ZMIZ1: variants seen among roughly 807,000 people sequenced by gnomAD.
The protein encoded by ZMIZ1 is zinc finger MIZ domain-containing protein 1.
Under a neutral mutation model 113.9 loss-of-function variants are expected in ZMIZ1, and 17 were observed. The observed-to-expected ratio is 0.15, with a 90% CI of 0.10 to 0.22. The LOEUF (loss-of-function observed/expected upper bound fraction) is 0.22. Among genes scored for constraint, ZMIZ1 ranks in the 10% least tolerant of loss-of-function variants. ZMIZ1 has a pLI of 1.00. For missense variants in ZMIZ1, 1,059 were observed against 1,477.8 expected, an observed-to-expected ratio of 0.72 and a Z score of 4.65; for synonymous variants, 607 against 603.1, an observed-to-expected ratio of 1.01 and a Z score of -0.09.
chr10:79,216,301 TG>T, intron 7 of ZMIZ1, 27 bp downstream of exon 7: 1 of 1,564,098 alleles, frequency 6.4e-7, no homozygotes, highest in Non-Finnish European at 8.7e-7. Flanking sequence ...GACTCTGCGA[TG>T]TCACTGGGAG....
At chr10:79,149,212 C>T (rs1845614110) in intron 3 of ZMIZ1, among the ~76,000 whole-genome samples, 1 of 152,358 alleles carries the variant, frequency 6.6e-6, no homozygotes, top group South Asian at 2.1e-4. Context: ...GGCAGGCCCA[C>T]ACCCCCTCCC....
chr10:79,077,726 G>A (rs1243458725), intron 1 of ZMIZ1, among the ~76,000 whole-genome samples: 1 of 152,126 alleles, frequency 6.6e-6, no homozygotes, highest in Non-Finnish European at 1.5e-5. Flanking sequence ...TAACTTCTCC[G>A]ACTTTGGTCT....
chr10:79,240,638 C>CTTTTTTTTTTTTTTTTTTTTTTTTTTTTT lies in ZMIZ1; in HGVS notation c.280+24391_280+24392insTTTTTTTTTTTTTTTTTTTTTTTTTTTTT, dbSNP rs56903717. On this transcript the variant is annotated intron_variant, in intron 7 of 24. Transcript: ENST00000334512. ...CGTAAATCTAGTGAAGAGTATTTAT[C>CTTTTTTTTTTTTTTTTTTTTTTTTTTTTT]TTTTTTTTTTTTTTTTTTTTTTTTT... is the stretch of plus-strand genomic sequence containing the variant. Among the ~76,000 whole-genome samples, 18 of 55,322 alleles carry CTTTTTTTTTTTTTTTTTTTTTTTTTTTTT rather than the reference C, an allele frequency of 3.3e-4. 2 individuals are homozygous for CTTTTTTTTTTTTTTTTTTTTTTTTTTTTT. Among genetic ancestry groups the CTTTTTTTTTTTTTTTTTTTTTTTTTTTTT allele is most frequent in the East Asian group, 2.9e-3 (3 of 1,032 alleles). The allele number at this position is 55,322 out of a possible 152,430, so 36.3% of individuals were successfully genotyped here. A position where few individuals can be genotyped will look rare whatever the true frequency, so the allele number is the denominator to read the frequency against.
At chr10:79,142,692 G>T (rs1334144481) in intron 3 of ZMIZ1, among the ~76,000 whole-genome samples, 2 of 152,212 alleles carry the variant, frequency 1.3e-5, no homozygotes, top group Admixed American at 1.3e-4. Flanking sequence ...GCATGCCTGG[G>T]CCCTCCCCGT....
intron 11 of ZMIZ1, 29 bp downstream of exon 11, chr10:79,292,385 C>A: frequency 3.8e-6 from 6 of 1,586,188 alleles, no homozygotes; most frequent in Non-Finnish European, 5.2e-6. Context: ...CCTGGTCCAG[C>A]CTTGCCCAGC....
At chr10:79,306,566 C>G in intron 22 of ZMIZ1, among the ~76,000 whole-genome samples, 1 of 152,226 alleles carries the variant, frequency 6.6e-6, no homozygotes, top group Admixed American at 6.5e-5. Context: ...AGACTGCTGC[C>G]TCTTCCCTCC....
chr10:79,300,656 G>T, intron 16 of ZMIZ1, 76 bp from the exon 17 acceptor site: 1 of 1,510,350 alleles, frequency 6.6e-7, no homozygotes. Flanking sequence ...AGAGGTGTGT[G>T]ACCTGGCTCG....
At chr10:79,080,251 C>T (rs926856862) in intron 1 of ZMIZ1, among the ~76,000 whole-genome samples, 1 of 151,618 alleles carries the variant, frequency 6.6e-6, no homozygotes, top group African/African-American at 2.4e-5. Context: ...AGCTCCACAA[C>T]CTCCCTGCGC....
intron 18 of ZMIZ1, among the ~76,000 whole-genome samples, chr10:79,303,773 G>A (rs898192139): frequency 1.3e-5 from 2 of 152,216 alleles, no homozygotes; most frequent in East Asian, 1.9e-4. Context: ...CAGGGGAACT[G>A]CCACAGCCAC....
At chr10:79,277,898 GCTGAGCTGGGGATGCTCTCT>G (rs1230440792) in intron 8 of ZMIZ1, among the ~76,000 whole-genome samples, 3 of 152,248 alleles carry the variant, frequency 2.0e-5, no homozygotes, top group Non-Finnish European at 4.4e-5. Context: ...TGAGTCCCTT[GCTGAGCTGGGGATGCTCTCT>G]CTGAGCGCTC....
rs147268479 is a variant in ZMIZ1 at position 79,252,657 on chromosome 10, C to T, written c.281-24524C>T. 5.9e-3 allele frequency among the ~76,000 whole-genome samples: 892 copies of T among 152,292 alleles called. 8 individuals are homozygous for T. The highest frequency in any genetic ancestry group is 0.021 in the African/African-American group (858 of 41,546). On this transcript the variant is annotated intron_variant, in intron 7 of 24. Coordinates refer to ENST00000334512, the MANE Select transcript of ZMIZ1 (RefSeq NM_020338.4). Reference sequence around the variant, plus strand: ...AGTTACCACTTCTGCAAAACGGGGACACCCTCACCCACAGGTCTGTTATAG... The same window carrying T: ...AGTTACCACTTCTGCAAAACGGGGATACCCTCACCCACAGGTCTGTTATAG...
At chr10:79,286,675 C>T (rs145389892) in intron 8 of ZMIZ1, among the ~76,000 whole-genome samples, 164 of 152,370 alleles carry the variant, frequency 1.1e-3, no homozygotes, top group Middle Eastern at 6.8e-3. Flanking sequence ...CGTTGGTTAG[C>T]TTTGCTTCTC....
At chr10:79,100,916 T>C (rs1750650272) in intron 1 of ZMIZ1, among the ~76,000 whole-genome samples, 1 of 152,208 alleles carries the variant, frequency 6.6e-6, no homozygotes, top group African/African-American at 2.4e-5. Context: ...GTGCAGATGC[T>C]GTTCTCACCC....
chr10:79,081,410 G>A (rs763152407), intron 1 of ZMIZ1, among the ~76,000 whole-genome samples: 2 of 152,190 alleles, frequency 1.3e-5, no homozygotes, highest in African/African-American at 4.8e-5. Flanking sequence ...GTTGTAAGAC[G>A]TGGCAGTAGG....
chr10:79,305,133 G>A (rs1049380617), intron 19 of ZMIZ1, 31 bp from the exon 20 acceptor site: 21 of 1,613,530 alleles, frequency 1.3e-5, no homozygotes, highest in African/African-American at 6.7e-5. Context: ...GACAGTCCTG[G>A]TCTCACCTGT....
At chr10:79,150,531 G>C (rs1845672559) in intron 3 of ZMIZ1, among the ~76,000 whole-genome samples, 1 of 152,234 alleles carries the variant, frequency 6.6e-6, no homozygotes, top group South Asian at 2.1e-4. Flanking sequence ...CTGGGAGCCA[G>C]GAGGCTGGGG....
intron 7 of ZMIZ1, among the ~76,000 whole-genome samples, chr10:79,256,784 C>T (rs757311469): frequency 6.6e-6 from 1 of 152,234 alleles, no homozygotes; most frequent in Non-Finnish European, 1.5e-5. Flanking sequence ...CAGTCAGATC[C>T]CCTCACAGGC....
At chr10:79,074,193 A>G (rs1842394308) in intron 1 of ZMIZ1, among the ~76,000 whole-genome samples, 1 of 152,196 alleles carries the variant, frequency 6.6e-6, no homozygotes, top group Non-Finnish European at 1.5e-5. Flanking sequence ...CGGTCAAACA[A>G]CTGGTGGCAA....
chr10:79,309,213 G>A (rs1047951133), intron 23 of ZMIZ1, among the ~76,000 whole-genome samples: 1 of 152,242 alleles, frequency 6.6e-6, no homozygotes, highest in Non-Finnish European at 1.5e-5. Context: ...CATACTTGGT[G>A]GCGGGTTGAC....
Sources: allele counts gnomAD v4.1 joint callset (sites outside exome capture counted in the v4.1 genomes callset), GRCh38; gene constraint gnomAD v4.1.1; transcripts MANE v1.5; gene names NCBI Gene and HGNC (gene_info 2026-07-23, HGNC 2026-07-21).